The following MAGEC3 variants were observed in gnomAD, a reference collection of about 807,000 sequenced individuals.
The protein encoded by MAGEC3 is MAGE family member C3.
Under a neutral mutation model 35.3 loss-of-function variants are expected in MAGEC3, and 34 were observed. The ratio of observed to expected loss-of-function variants is 0.96; its 90% CI spans 0.73 to 1.28. The LOEUF (loss-of-function observed/expected upper bound fraction) is 1.28. Among genes scored for constraint, MAGEC3 ranks in the 50% most tolerant of loss-of-function variants. MAGEC3 has a pLI of 0.00. For synonymous variants in MAGEC3, 202 were observed against 185.6 expected, an observed-to-expected ratio of 1.09 and a Z score of -0.72; for missense variants, 561 against 483.6, an observed-to-expected ratio of 1.16 and a Z score of -1.50.
intron 1 of MAGEC3, among the ~76,000 whole-genome samples, chrX:141,844,379 G>A (rs1428500860): frequency 6.3e-5 from 7 of 110,915 alleles, no homozygotes; most frequent in Middle Eastern, 4.2e-3. Flanking sequence ...TCTCAGTGTA[G>A]TTGCAATATG....
intron 2 of MAGEC3, among the ~76,000 whole-genome samples, chrX:141,868,968 G>A (rs1194381444): frequency 9.2e-6 from 1 of 109,265 alleles, no homozygotes; most frequent in African/African-American, 3.3e-5. Context: ...TGCAAGCTCC[G>A]CCTCTCGGGT....
chrX:141,886,618 G>T, intron 4 of MAGEC3, among the ~76,000 whole-genome samples: 1 of 110,832 alleles, frequency 9.0e-6, no homozygotes, highest in African/African-American at 3.3e-5. Flanking sequence ...TAAATATTTA[G>T]CTCAGCTTGG....
chrX:141,894,913 C>T (rs1477106145), intron 4 of MAGEC3: 5 of 772,703 alleles, frequency 6.5e-6, no homozygotes, highest in East Asian at 1.7e-4. Context: ...GGTTGGTAGG[C>T]CCGAAGGGGT....
At chrX:141,838,695 A>G (rs1370860083) in intron 1 of MAGEC3, 2 of 752,509 alleles carry the variant, frequency 2.7e-6, no homozygotes, top group South Asian at 6.8e-5. Flanking sequence ...ACTGGGCTCC[A>G]GGACAGTATG....
At chrX:141,893,271 A>G (rs1345133111) in intron 4 of MAGEC3, among the ~76,000 whole-genome samples, 1 of 111,967 alleles carries the variant, frequency 8.9e-6, no homozygotes, top group East Asian at 2.8e-4. Context: ...TCATAAAAGC[A>G]TAAGGCTAAG....
intron 2 of MAGEC3, among the ~76,000 whole-genome samples, chrX:141,875,857 C>T (rs933487956): frequency 4.5e-5 from 5 of 111,484 alleles, no homozygotes; most frequent in East Asian, 2.8e-4. Context: ...CCACCTTGAG[C>T]GCTGAGGTTT....
intron 4 of MAGEC3, among the ~76,000 whole-genome samples, chrX:141,886,722 G>C (rs750312351): frequency 4.5e-5 from 5 of 111,184 alleles, no homozygotes; most frequent in Admixed American, 9.5e-5. Flanking sequence ...TTAGCAGCTT[G>C]CAGAACCCCC....
At chrX:141,887,206 C>A (rs777864729) in intron 4 of MAGEC3, among the ~76,000 whole-genome samples, 68 of 112,623 alleles carry the variant, frequency 6.0e-4, no homozygotes, top group African/African-American at 2.0e-3. Flanking sequence ...GCAAGGCCAG[C>A]AATATACCTT....
intron 2 of MAGEC3, among the ~76,000 whole-genome samples, chrX:141,878,082 G>A (rs2017931605): frequency 8.9e-6 from 1 of 112,069 alleles, no homozygotes; most frequent in Non-Finnish European, 1.9e-5. Flanking sequence ...GGCTGTACCG[G>A]TTGATTGAGA....
At chrX:141,866,741 GATAA>G (rs890031194) in intron 2 of MAGEC3, among the ~76,000 whole-genome samples, 16 of 112,423 alleles carry the variant, frequency 1.4e-4, no homozygotes, top group Admixed American at 2.8e-4. Context: ...CCAGGTATCT[GATAA>G]ATAAACCAAA....
chrX:141,846,548 TTCTC>T (rs2017717956), intron 1 of MAGEC3, among the ~76,000 whole-genome samples: 1 of 110,974 alleles, frequency 9.0e-6, no homozygotes, highest in South Asian at 3.7e-4. Context: ...AGGCTTGTAA[TTCTC>T]TCTTAACTCA....
chrX:141,854,302 G>A (rs2017767909), intron 1 of MAGEC3, among the ~76,000 whole-genome samples: 1 of 111,247 alleles, frequency 9.0e-6, no homozygotes, highest in Non-Finnish European at 1.9e-5. Context: ...TGTAAGTTAA[G>A]TGGATGGGAG....
chrX:141,868,933 G>C (rs2017868986), intron 2 of MAGEC3, among the ~76,000 whole-genome samples: 2 of 109,246 alleles, frequency 1.8e-5, no homozygotes, highest in African/African-American at 6.7e-5. Flanking sequence ...CCAGGCGGGA[G>C]TGCAGTGGTG....
chrX:141,863,362 C>T (rs912534595), intron 1 of MAGEC3, among the ~76,000 whole-genome samples: 24 of 110,880 alleles, frequency 2.2e-4, no homozygotes, highest in African/African-American at 5.2e-4. Context: ...CATTTTAGGA[C>T]GGTGAAACGA....
intron 4 of MAGEC3, among the ~76,000 whole-genome samples, chrX:141,893,883 C>T (rs137858873): frequency 1.2e-3 from 137 of 111,169 alleles, no homozygotes; most frequent in African/African-American, 4.2e-3. Context: ...AGATGACCAA[C>T]GTCATTTGTC....
chrX:141,843,257 T>C (rs755421779), intron 1 of MAGEC3, among the ~76,000 whole-genome samples: 29 of 111,522 alleles, frequency 2.6e-4, no homozygotes, highest in Non-Finnish European at 4.9e-4. Context: ...GAGTTTAATG[T>C]ATGAATTCAC....
At chrX:141,874,451 AT>A (rs1418358292) in intron 2 of MAGEC3, among the ~76,000 whole-genome samples, 7 of 112,201 alleles carry the variant, frequency 6.2e-5, no homozygotes, top group Admixed American at 5.7e-4. Context: ...TGCAAAAAAA[AT>A]CTGACTGAAG....
chrX:141,864,556 T>C (rs1359911451), intron 1 of MAGEC3, among the ~76,000 whole-genome samples: 1 of 110,987 alleles, frequency 9.0e-6, no homozygotes, highest in African/African-American at 3.3e-5. Flanking sequence ...TTCTCACTTA[T>C]AAGTAGGAGC....
Position 141,849,367 on chromosome X carries a change from T to C in MAGEC3, c.123+10929T>C, listed in dbSNP as rs1401939719. Reference sequence around the variant, plus strand: ...AGGAAACACTTTTTTTGACATTGACTTTGGCAAATAATTTATGGCTAAGTC... The same window carrying C: ...AGGAAACACTTTTTTTGACATTGACCTTGGCAAATAATTTATGGCTAAGTC... On this transcript the variant is annotated intron_variant, in intron 1 of 7. Coordinates refer to ENST00000298296, the MANE Select transcript of MAGEC3 (RefSeq NM_138702.1). Among the ~76,000 whole-genome samples, 3 of 111,186 alleles carry C rather than the reference T, an allele frequency of 2.7e-5. No individual in the cohort carries two copies. In the Admixed American group the frequency reaches 2.9e-4, roughly 11 times the overall value.
Sources: allele counts gnomAD v4.1 joint callset (sites outside exome capture counted in the v4.1 genomes callset), GRCh38; gene constraint gnomAD v4.1.1; transcripts MANE v1.5; gene names NCBI Gene and HGNC (gene_info 2026-07-23, HGNC 2026-07-21).